NALF1: variants seen among roughly 807,000 people sequenced by gnomAD.
The protein encoded by NALF1 is NALCN channel auxiliary factor 1.
NALF1 carries 3 observed loss-of-function variants against 48.4 expected under a neutral mutation model. The ratio of observed to expected loss-of-function variants is 0.06; its 90% CI spans 0.03 to 0.16. NALF1 has a LOEUF of 0.16. Among genes scored for constraint, NALF1 ranks in the 10% least tolerant of loss-of-function variants. The pLI is 1.00. For synonymous variants in NALF1, 262 were observed against 245.7 expected (o/e 1.07, Z -0.62); for missense variants, 526 against 571.5 (o/e 0.92, Z 0.81).
chr13:107,270,209 T>C (rs1313545081), intron 1 of NALF1, among the ~76,000 whole-genome samples: 2 of 152,302 alleles, frequency 1.3e-5, no homozygotes, highest in East Asian at 3.9e-4. Flanking sequence ...ATTGAAAATT[T>C]ATTTTCTATG....
At chr13:107,675,373 T>C (rs1881089607) in intron 1 of NALF1, among the ~76,000 whole-genome samples, 1 of 152,126 alleles carries the variant, frequency 6.6e-6, no homozygotes, top group South Asian at 2.1e-4. Context: ...AAGATGCTTG[T>C]TGAAGAAATG....
intron 1 of NALF1, among the ~76,000 whole-genome samples, chr13:107,312,436 G>T (rs113693348): frequency 3.3e-5 from 5 of 151,958 alleles, no homozygotes; most frequent in Non-Finnish European, 5.9e-5. Context: ...GTGGGGGAAG[G>T]GGGGAGGGAT....
In NALF1 at chr13:107,431,996, G is replaced by A. The variant is rs142625058; in HGVS notation, c.916-221241C>T. The stretch of plus-strand genomic sequence containing the variant: ...GTCTGTGTTAGACACTTTTTGCATT[G>A]TTATAAAGGAGTACCTGAAACTGGG... On this transcript the variant is annotated intron_variant, in intron 1 of 2. Coordinates refer to ENST00000375915, the MANE Select transcript of NALF1 (RefSeq NM_001080396.3). 4.9e-3 allele frequency among the ~76,000 whole-genome samples: 747 copies of A among 152,216 alleles called. 8 individuals are homozygous for A. The highest frequency in any genetic ancestry group is 0.017 in the African/African-American group (691 of 41,550).
At chr13:107,580,491 G>A (rs190621975) in intron 1 of NALF1, among the ~76,000 whole-genome samples, 5 of 151,980 alleles carry the variant, frequency 3.3e-5, no homozygotes, top group South Asian at 2.1e-4. Flanking sequence ...TCCAGCTGAC[G>A]GTTCAAAAGT....
chr13:107,513,736 C>A lies in NALF1; in HGVS notation c.916-302981G>T, dbSNP rs774766020. On this transcript the variant is annotated intron_variant, in intron 1 of 2. Coordinates refer to ENST00000375915, the MANE Select transcript of NALF1 (RefSeq NM_001080396.3). ...ATGGCTGAAAGCACATGAAGGGATG[C>A]AAAACCAGAAAGAGGCTTGGACCTG... 3.9e-5 allele frequency among the ~76,000 whole-genome samples: 6 copies of A among 152,150 alleles called. No individual in the cohort carries two copies. The East Asian group carries it at 1.2e-3, about 29-fold the overall frequency.
intron 1 of NALF1, among the ~76,000 whole-genome samples, chr13:107,355,965 A>AAAAATTC (rs1224225171): frequency 6.6e-6 from 1 of 152,202 alleles, no homozygotes; most frequent in Non-Finnish European, 1.5e-5. Flanking sequence ...CTGGCCCCTA[A>AAAAATTC]AAAATTCAAA....
At chr13:107,581,789 A>G (rs1271035151) in intron 1 of NALF1, among the ~76,000 whole-genome samples, 1 of 152,172 alleles carries the variant, frequency 6.6e-6, no homozygotes, top group Non-Finnish European at 1.5e-5. Context: ...CTATTTTTCT[A>G]TTCTGACACC....
chr13:107,226,057 T>C (rs1880101937), intron 1 of NALF1, among the ~76,000 whole-genome samples: 1 of 152,076 alleles, frequency 6.6e-6, no homozygotes, highest in Non-Finnish European at 1.5e-5. Context: ...CAGAATTTAG[T>C]CCCCTGCATA....
chr13:107,310,241 C>T (rs1001798572), intron 1 of NALF1, among the ~76,000 whole-genome samples: 3 of 151,962 alleles, frequency 2.0e-5, no homozygotes, highest in Non-Finnish European at 4.4e-5. Flanking sequence ...GAAACCCTGT[C>T]TCTACTAAAA....
chr13:107,369,177 G>A (rs1266615731), intron 1 of NALF1, among the ~76,000 whole-genome samples: 1 of 152,096 alleles, frequency 6.6e-6, no homozygotes, highest in Non-Finnish European at 1.5e-5. Flanking sequence ...AACTCCAGTA[G>A]GCATCACACA....
chr13:107,354,113 G>T (rs1882921394), intron 1 of NALF1, among the ~76,000 whole-genome samples: 1 of 152,146 alleles, frequency 6.6e-6, no homozygotes, highest in Non-Finnish European at 1.5e-5. Flanking sequence ...TAAATTAAAA[G>T]AAGTGCTTCA....
At chr13:107,343,917 T>C (rs867457281) in intron 1 of NALF1, among the ~76,000 whole-genome samples, 3 of 151,720 alleles carry the variant, frequency 2.0e-5, no homozygotes, top group African/African-American at 7.3e-5. Context: ...AACACAGAGT[T>C]TTTTTTTGAA....
chr13:107,795,791 T>G (rs1455888079), intron 1 of NALF1, among the ~76,000 whole-genome samples: 1 of 152,192 alleles, frequency 6.6e-6, no homozygotes, highest in Non-Finnish European at 1.5e-5. Context: ...AACTATACTG[T>G]CCCTTGAACA....
chr13:107,717,009 T>C (rs1037922925), intron 1 of NALF1, among the ~76,000 whole-genome samples: 3 of 152,284 alleles, frequency 2.0e-5, no homozygotes, highest in South Asian at 2.1e-4. Context: ...TCCAACTGCA[T>C]ACCCATGCTA....
rs1334604293 is a variant in NALF1 at position 107,866,198 on chromosome 13, G to C, written c.399C>G (p.Pro133=). The C allele has an allele frequency of 3.7e-6, 6 of 1,601,942 alleles. No homozygotes were observed. The highest frequency in any genetic ancestry group is 5.1e-6 in the Non-Finnish European group (6 of 1,174,856). ...LSASSSPTLP[P]SPGDGGGGGG... is the part of the protein sequence containing the mutation. ...CGCCGCCGCCGCCGTCTCCCGGGGA[G>C]GGGGGCAGGGTGGGGGACGAGGAGG... Residue 133 remains proline, a synonymous_variant, in exon 1 of 3, where the codon CCC becomes CCG. Transcript: ENST00000375915. The surrounding 1 kb of genome is among the most constrained non-coding windows in gnomAD (Gnocchi z 4.4).
intron 1 of NALF1, among the ~76,000 whole-genome samples, chr13:107,273,785 G>T (rs981049228): frequency 6.6e-6 from 1 of 152,136 alleles, no homozygotes; most frequent in African/African-American, 2.4e-5. Context: ...AACAGGGTTG[G>T]CCTTTCTGAG....
At chr13:107,615,518 A>G (rs1290676817) in intron 1 of NALF1, among the ~76,000 whole-genome samples, 2 of 152,190 alleles carry the variant, frequency 1.3e-5, no homozygotes, top group Admixed American at 1.3e-4. Flanking sequence ...CCTATGGCCT[A>G]TAAGATGATG....
At position 107,865,881 on chromosome 13, in the gene NALF1, G is replaced by C. The variant is rs113429562; in HGVS notation, c.716C>G (p.Ser239Cys). The change falls in exon 1 of 3, where the codon TCC becomes TGC. Residue 239 changes from serine (S) to cysteine (C), a missense_variant. Coordinates refer to ENST00000375915, the MANE Select transcript of NALF1 (RefSeq NM_001080396.3). Reference sequence around the variant, plus strand: ...ACTGCAGTTCAAAGTGTTGGGACTGGACAACCCCGAGAACAACTCCCAAAG... The same window carrying C: ...ACTGCAGTTCAAAGTGTTGGGACTGCACAACCCCGAGAACAACTCCCAAAG... ...YTLWELFSGL[S>C]SPNTLNCSLD... 1.2e-6 allele frequency: 2 copies of C among 1,614,072 alleles called. No homozygotes were observed. Among genetic ancestry groups the C allele is most frequent in the Non-Finnish European group, 1.7e-6 (2 of 1,180,026 alleles).
chr13:107,520,039 T>A (rs1310347433), intron 1 of NALF1, among the ~76,000 whole-genome samples: 1 of 152,210 alleles, frequency 6.6e-6, no homozygotes, highest in Non-Finnish European at 1.5e-5. Flanking sequence ...TTTAATGCTT[T>A]ATGATGATCT....
Sources: gnomAD v4.1 joint callset for allele counts (sites outside exome capture counted in the v4.1 genomes callset) on GRCh38, gnomAD v4.1.1 for gene constraint, Gnocchi (gnomAD v3.1) non-coding constraint, MANE v1.5 for transcripts, NCBI Gene and HGNC (gene_info 2026-07-23, HGNC 2026-07-21) for gene names.